PCDHGA4: variants seen among roughly 807,000 people sequenced by gnomAD.
PCDHGA4 encodes the protein protocadherin gamma-A4.
A neutral mutation model predicts 54.6 loss-of-function variants in PCDHGA4; 38 were observed. That is an observed-to-expected ratio of 0.70 (90% CI 0.54 to 0.91). The LOEUF (loss-of-function observed/expected upper bound fraction) is 0.91, where lower values mean the gene tolerates loss of function less well. PCDHGA4 is among the 40% of genes least tolerant of loss of function. PCDHGA4 has a pLI of 0.00. For synonymous variants in PCDHGA4, 511 were observed against 512.9 expected, an observed-to-expected ratio of 1.00 and a Z score of 0.05; for missense variants, 1,298 against 1,220.9, an observed-to-expected ratio of 1.06 and a Z score of -0.94.
chr5:141,460,624 T>TA (rs1464862917), intron 1 of PCDHGA4, among the ~76,000 whole-genome samples: 2 of 152,128 alleles, frequency 1.3e-5, no homozygotes, highest in African/African-American at 4.8e-5. Context: ...GATAGACAGA[T>TA]ACAGATATAT....
intron 1 of PCDHGA4, chr5:141,421,801 A>G (rs754191783): frequency 6.2e-7 from 1 of 1,613,858 alleles, no homozygotes; most frequent in Middle Eastern, 1.6e-4. Flanking sequence ...TGGGGCCAAG[A>G]ATCCAGAGCT....
At chr5:141,508,983 C>T (rs532410967) in intron 3 of PCDHGA4, among the ~76,000 whole-genome samples, 44 of 152,148 alleles carry the variant, frequency 2.9e-4, no homozygotes, top group Non-Finnish European at 4.4e-4. Flanking sequence ...GGGGTGGGGG[C>T]CAGCTGGGGT....
intron 1 of PCDHGA4, among the ~76,000 whole-genome samples, chr5:141,406,024 G>A (rs2094747494): frequency 6.6e-6 from 1 of 151,462 alleles, no homozygotes; most frequent in Admixed American, 6.6e-5. Flanking sequence ...TTTTTGGGTA[G>A]GGTTGCTTCA....
Position 141,502,866 on chromosome 5 carries a change from C to CTTTTTTTTTTTTT in PCDHGA4, c.2574-2525_2574-2513dup, listed in dbSNP as rs549047197. ...GAGCTGCCTAACCCTGACTCTCTGT[C>CTTTTTTTTTTTTT]TTTTTTTTTTTTTTGACAGGGAGTC... On this transcript the variant is annotated intron_variant, in intron 2 of 3. Transcript: ENST00000571252. Among the ~76,000 whole-genome samples, 40 of 128,010 alleles carry CTTTTTTTTTTTTT rather than the reference C, an allele frequency of 3.1e-4. 6 individuals carry two copies. The highest frequency in any genetic ancestry group is 5.1e-4 in the Admixed American group (6 of 11,656). 84.0% of individuals were successfully genotyped at this position (128,010 alleles called of 152,430 possible). A position where few individuals can be genotyped will look rare whatever the true frequency, so the allele number is the denominator to read the frequency against.
At chr5:141,423,238 G>A (rs765040062) in intron 1 of PCDHGA4, 3 of 1,613,778 alleles carry the variant, frequency 1.9e-6, no homozygotes, top group South Asian at 1.1e-5. Flanking sequence ...CAGCATCCCC[G>A]AAGTCCTGGC....
chr5:141,454,990 T>C (rs548911982), intron 1 of PCDHGA4, among the ~76,000 whole-genome samples: 1 of 151,490 alleles, frequency 6.6e-6, no homozygotes, highest in African/African-American at 2.4e-5. Context: ...TAAAAAATAT[T>C]TTTAGTAGAG....
intron 1 of PCDHGA4, among the ~76,000 whole-genome samples, chr5:141,451,395 A>G (rs2098715118): frequency 6.6e-6 from 1 of 152,184 alleles, no homozygotes; most frequent in Admixed American, 6.6e-5. Context: ...AGTTAATGGC[A>G]AAATTAAGTT....
intron 1 of PCDHGA4, chr5:141,384,805 G>T (rs1314252403): frequency 6.2e-7 from 1 of 1,613,506 alleles, no homozygotes; most frequent in Admixed American, 1.7e-5. Context: ...GCTGGACAGA[G>T]ATGCCCTCAA....
chr5:141,385,593 C>T lies in PCDHGA4; in HGVS notation c.2514+27972C>T. On this transcript the variant is annotated intron_variant, in intron 1 of 3. Transcript: ENST00000571252. ...ACTTTCCAATCTATGTTCCAACCTA[C>T]TTTCTTAACTCATATATTTTATACA... is the stretch of plus-strand genomic sequence containing the variant. The T allele has an allele frequency of 2.4e-6, 3 of 1,235,054 alleles. No individual in the cohort carries two copies. The South Asian group carries it at 7.5e-5, about 31-fold the overall frequency. The allele number at this position is 1,235,054 out of a possible 1,614,324, so 76.5% of individuals were successfully genotyped here. A position where few individuals can be genotyped will look rare whatever the true frequency, so the allele number is the denominator to read the frequency against.
chr5:141,436,590 C>T (rs1050788291), intron 1 of PCDHGA4, among the ~76,000 whole-genome samples: 10 of 152,102 alleles, frequency 6.6e-5, no homozygotes, highest in East Asian at 1.9e-4. Context: ...TTTGAAAGGT[C>T]GTGGTGATGG....
chr5:141,394,855 C>T (rs1201168639), intron 1 of PCDHGA4: 2 of 1,613,778 alleles, frequency 1.2e-6, no homozygotes, highest in African/African-American at 1.3e-5. Context: ...CTGAAGCCTT[C>T]GGTCGACCCG....
intron 1 of PCDHGA4, among the ~76,000 whole-genome samples, chr5:141,471,778 A>T (rs2099264151): frequency 6.6e-6 from 1 of 152,244 alleles, no homozygotes; most frequent in Non-Finnish European, 1.5e-5. Flanking sequence ...TGAGTTTGAC[A>T]TTATGCTATG....
intron 1 of PCDHGA4, chr5:141,383,154 C>A: frequency 6.2e-7 from 1 of 1,614,112 alleles, no homozygotes; most frequent in South Asian, 1.1e-5. Context: ...GCAGCTTGGT[C>A]ACTGCGGGCA....
Position 141,431,789 on chromosome 5 carries a change from G to A in PCDHGA4, c.2515-63018G>A, listed in dbSNP as rs760507500. On this transcript the variant is annotated intron_variant, in intron 1 of 3. Coordinates refer to ENST00000571252, the MANE Select transcript of PCDHGA4 (RefSeq NM_018917.4). This position sits in a 1 kb window ranked among gnomAD's most constrained non-coding sequence, Gnocchi z 4.8. ...CACTGTTCTGGACGTGAACGACAATGCCCCAGAAGTGGTCCTCACCTCTCT... is the reference window on the plus strand; with the variant it reads ...CACTGTTCTGGACGTGAACGACAATACCCCAGAAGTGGTCCTCACCTCTCT... 7.4e-6 allele frequency: 12 copies of A among 1,614,096 alleles called. No homozygotes were observed. The highest frequency in any genetic ancestry group is 5.9e-6 in the Non-Finnish European group (7 of 1,180,042).
intron 1 of PCDHGA4, among the ~76,000 whole-genome samples, chr5:141,469,522 C>T (rs1409427974): frequency 2.6e-5 from 4 of 152,088 alleles, no homozygotes; most frequent in African/African-American, 9.7e-5. Flanking sequence ...TTGCAGTGAG[C>T]CAAGATTGTG....
intron 1 of PCDHGA4, among the ~76,000 whole-genome samples, chr5:141,424,889 G>A (rs1173725674): frequency 6.6e-6 from 1 of 152,090 alleles, no homozygotes; most frequent in Non-Finnish European, 1.5e-5. Flanking sequence ...ACTTATCTAG[G>A]GTTTTTGATC....
At chr5:141,371,540 C>T (rs773129811) in intron 1 of PCDHGA4, 1 of 1,613,730 alleles carries the variant, frequency 6.2e-7, no homozygotes, top group East Asian at 2.2e-5. Flanking sequence ...ATGGAGAAAT[C>T]CTATGCCAAC....
chr5:141,509,811 C>T (rs1321920000), intron 3 of PCDHGA4, among the ~76,000 whole-genome samples: 1 of 152,168 alleles, frequency 6.6e-6, no homozygotes, highest in African/African-American at 2.4e-5. Flanking sequence ...TAGAGCCGAG[C>T]TCTTCTCCAT....
In PCDHGA4 at chr5:141,477,794, C is replaced by A. The variant is rs148942362; in HGVS notation, c.2515-17013C>A. On this transcript the variant is annotated intron_variant, in intron 1 of 3. Coordinates refer to ENST00000571252, the MANE Select transcript of PCDHGA4 (RefSeq NM_018917.4). This position sits in a 1 kb window ranked among gnomAD's most constrained non-coding sequence, Gnocchi z 4.9. ...CAGCGTGAACATATTTGTCACTGAT[C>A]GCAATGACAATGCCCCCCAGGTCCT... The A allele has an allele frequency of 5.6e-6, 9 of 1,614,086 alleles. No individual in the cohort carries two copies. Among genetic ancestry groups the A allele is most frequent in the Non-Finnish European group, 7.6e-6 (9 of 1,180,030 alleles).
Sources: allele counts gnomAD v4.1 joint callset (sites outside exome capture counted in the v4.1 genomes callset), GRCh38; gene constraint gnomAD v4.1.1; non-coding constraint Gnocchi (gnomAD v3.1); transcripts MANE v1.5; gene names NCBI Gene and HGNC (gene_info 2026-07-23, HGNC 2026-07-21).